KDM1B: variants seen among roughly 807,000 people sequenced by gnomAD.
KDM1B encodes lysine demethylase 1B, also known as lysine-specific histone demethylase 2.
KDM1B carries 63 observed loss-of-function variants against 107.4 expected under a neutral mutation model. The ratio of observed to expected loss-of-function variants is 0.59; its 90% CI spans 0.48 to 0.72. The LOEUF (loss-of-function observed/expected upper bound fraction) is 0.72, where lower values mean the gene tolerates loss of function less well. KDM1B is among the 30% of genes least tolerant of loss of function. KDM1B has a pLI of 0.00. For missense variants in KDM1B, 749 were observed against 1,020.8 expected, an observed-to-expected ratio of 0.73 and a Z score of 3.63; for synonymous variants, 363 against 363.9, an observed-to-expected ratio of 1.00 and a Z score of 0.03.
intron 10 of KDM1B, among the ~76,000 whole-genome samples, chr6:18,196,473 CA>C (rs79808747): frequency 0.073 from 11,136 of 152,162 alleles, 482 homozygotes; most frequent in South Asian, 0.22. Context: ...TTCTCTTCAT[CA>C]TTTGTTACCT....
rs765910313 is a variant in KDM1B at position 18,162,175 on chromosome 6, G to T, written c.216-660G>T. On this transcript the variant is annotated intron_variant, in intron 4 of 21. Coordinates refer to ENST00000650836, the MANE Select transcript of KDM1B (RefSeq NM_001364614.2). This position sits in a 1 kb window ranked among gnomAD's most constrained non-coding sequence, Gnocchi z 4.1. The stretch of plus-strand genomic sequence containing the variant: ...GTCTCTACTAAAAATACACAAATTA[G>T]CTGGGCACGGTGGCAGAAGCCTGTA... 2.0e-5 allele frequency among the ~76,000 whole-genome samples: 3 copies of T among 151,986 alleles called. No individual in the cohort carries two copies. The highest frequency in any genetic ancestry group is 1.9e-4 in the East Asian group (1 of 5,172).
intron 20 of KDM1B, 30 bp downstream of exon 20, chr6:18,215,159 G>C (rs749824387): frequency 6.2e-7 from 1 of 1,600,962 alleles, no homozygotes; most frequent in Non-Finnish European, 8.5e-7. Context: ...CCTTGAAAGG[G>C]GCAAGCCGTG....
At chr6:18,217,678 T>G (rs775157442) in intron 20 of KDM1B, 55 bp from the exon 21 acceptor site, 55 of 1,505,986 alleles carry the variant, frequency 3.7e-5, no homozygotes, top group African/African-American at 6.9e-5. Flanking sequence ...CACTGCGCCC[T>G]GCCATCTACA....
At chr6:18,181,661 T>C (rs12208906) in intron 7 of KDM1B, among the ~76,000 whole-genome samples, 25,981 of 151,966 alleles carry the variant, frequency 0.17, 2,350 homozygotes, top group African/African-American at 0.21. Flanking sequence ...TGGGAGGATC[T>C]CTTGAGCCCA....
In KDM1B at chr6:18,197,595, C is replaced by A. The variant is rs1482657722; in HGVS notation, c.1155C>A (p.Val385=). Reference sequence around the variant, plus strand: ...TTTCTTTTCTTTTTAAGAAATCAGTCATCATTATCGGGGCTGGTCCAGCAG... The same window carrying A: ...TTTCTTTTCTTTTTAAGAAATCAGTAATCATTATCGGGGCTGGTCCAGCAG... ...LLPKDYHNKS[V]IIIGAGPAGL... is the part of the protein sequence containing the mutation. The change falls in exon 12 of 22, where the codon GTC becomes GTA. Residue 385 remains valine (V), a synonymous_variant. Transcript: ENST00000650836. This position sits in a 1 kb window ranked among gnomAD's most constrained non-coding sequence, Gnocchi z 4.5. 1 of 1,613,164 alleles carries A rather than the reference C, an allele frequency of 6.2e-7. No individual in the cohort carries two copies. The highest frequency in any genetic ancestry group is 1.1e-5 in the South Asian group (1 of 91,026).
intron 10 of KDM1B, among the ~76,000 whole-genome samples, chr6:18,192,863 C>A (rs1224497486): frequency 6.6e-6 from 1 of 151,480 alleles, no homozygotes; most frequent in Non-Finnish European, 1.5e-5. Flanking sequence ...CCTAAGCTTA[C>A]CTGGATCTAT....
Position 18,212,478 on chromosome 6 carries a change from T to C in KDM1B, c.1867-10T>C. 1.3e-6 allele frequency: 2 copies of C among 1,523,074 alleles called. No individual in the cohort carries two copies. Among genetic ancestry groups the C allele is most frequent in the Non-Finnish European group, 1.8e-6 (2 of 1,096,952 alleles). The allele number at this position is 1,523,074 out of a possible 1,614,324, so 94.3% of individuals were successfully genotyped here. A position where few individuals can be genotyped will look rare whatever the true frequency, so the allele number is the denominator to read the frequency against. On this transcript the variant is annotated splice_polypyrimidine_tract_variant and intron_variant, in intron 17 of 21. Coordinates refer to ENST00000650836, the MANE Select transcript of KDM1B (RefSeq NM_001364614.2). The surrounding 1 kb of genome is among the most constrained non-coding windows in gnomAD (Gnocchi z 5.2). ...CTGTTTGTTTGTTAACTGTTAATTA[T>C]TTTCCACAGGTATTAGTCACTGTAC...
In KDM1B at chr6:18,217,544, A is replaced by C. The variant is rs1789340886; in HGVS notation, c.2233-189A>C. Among the ~76,000 whole-genome samples the C allele has an allele frequency of 2.0e-5, 3 of 151,738 alleles. No homozygotes were observed. The South Asian group carries it at 6.2e-4, about 32-fold the overall frequency. ...CAGGCGCCTGCCATCATGCCTGGCTAATTTTTCTATTTTTAGTAGAGATGG... is the reference window on the plus strand; with the variant it reads ...CAGGCGCCTGCCATCATGCCTGGCTCATTTTTCTATTTTTAGTAGAGATGG... On this transcript the variant is annotated intron_variant, in intron 20 of 21. Transcript: ENST00000650836.
chr6:18,217,992 T>C, intron 21 of KDM1B, 107 bp downstream of exon 21: 1 of 1,209,614 alleles, frequency 8.3e-7, no homozygotes. Context: ...CTGTCAAAAG[T>C]CTTATGACCA....
In KDM1B at chr6:18,213,646, C is replaced by A. The variant is rs1789018700; in HGVS notation, c.1984-10C>A. 6.2e-7 allele frequency: 1 copy of A among 1,614,006 alleles called. No homozygotes were observed. The highest frequency in any genetic ancestry group is 1.1e-5 in the South Asian group (1 of 91,062). On this transcript the variant is annotated splice_polypyrimidine_tract_variant and intron_variant, in intron 18 of 21. Coordinates refer to ENST00000650836, the MANE Select transcript of KDM1B (RefSeq NM_001364614.2). This position sits in a 1 kb window ranked among gnomAD's most constrained non-coding sequence, Gnocchi z 5.9. ...GACACCTAACCACCTTTCTTCTGCTCACTTTGCAGATTGCCTTGCAATTTC... is the reference window on the plus strand; with the variant it reads ...GACACCTAACCACCTTTCTTCTGCTAACTTTGCAGATTGCCTTGCAATTTC...
Position 18,200,335 on chromosome 6 carries a change from C to G in KDM1B, c.1222-104C>G. 1 of 1,147,268 alleles carries G rather than the reference C, an allele frequency of 8.7e-7. No homozygotes were observed. The highest frequency in any genetic ancestry group is 1.2e-6 in the Non-Finnish European group (1 of 820,992). The allele number at this position is 1,147,268 out of a possible 1,614,324, so 71.1% of individuals were successfully genotyped here. ...TTTTTTAGAAATATTTGGAATTAAC[C>G]AAATATAGAGGCTATTTAACAGTGT... On this transcript the variant is annotated intron_variant, in intron 12 of 21. Coordinates refer to ENST00000650836, the MANE Select transcript of KDM1B (RefSeq NM_001364614.2). The surrounding 1 kb of genome is among the most constrained non-coding windows in gnomAD (Gnocchi z 4.3).
At chr6:18,179,849 CCTTTTTTTTTTTTTTTT>C (rs1434217105) in intron 7 of KDM1B, among the ~76,000 whole-genome samples, 1 of 96,236 alleles carries the variant, frequency 1.0e-5, no homozygotes, top group Non-Finnish European at 1.9e-5. Context: ...GGTTTTTTTT[CCTTTTTTTTTTTTTTTT>C]TTTTTTTTTT....
chr6:18,171,429 C>T lies in KDM1B; in HGVS notation c.484C>T (p.Gln162Ter). The change falls in exon 7 of 22, where the codon CAG becomes TAG. Residue 162 changes from glutamine (Q) to a stop codon, truncating the protein, a stop_gained. Coordinates refer to ENST00000650836, the MANE Select transcript of KDM1B (RefSeq NM_001364614.2). LOFTEE classifies it high-confidence loss of function. ...QLTKEIQLTP[Q>*]IAKTYRCGMK... is the part of the protein sequence containing the mutation. ...TACCAAGGAAATCCAGCTTACTCCA[C>T]AGATAGCCAAGACTTATCGATGCGG... The T allele has an allele frequency of 6.2e-7, 1 of 1,613,614 alleles. No homozygotes were observed. The highest frequency in any genetic ancestry group is 8.5e-7 in the Non-Finnish European group (1 of 1,179,554).
Position 18,213,604 on chromosome 6 carries a change from G to A in KDM1B, c.1984-52G>A. 6.2e-7 allele frequency: 1 copy of A among 1,607,756 alleles called. No homozygotes were observed. The highest frequency in any genetic ancestry group is 8.5e-7 in the Non-Finnish European group (1 of 1,174,766). On this transcript the variant is annotated intron_variant, in intron 18 of 21. Coordinates refer to ENST00000650836, the MANE Select transcript of KDM1B (RefSeq NM_001364614.2). This position sits in a 1 kb window ranked among gnomAD's most constrained non-coding sequence, Gnocchi z 5.9. ...ACAGGTTGCTGCTTAGATATTGCCT[G>A]TGGTTTTGTGACGACAGACACCTAA...
At chr6:18,170,835 T>C (rs968755001) in intron 6 of KDM1B, among the ~76,000 whole-genome samples, 6 of 151,888 alleles carry the variant, frequency 4.0e-5, no homozygotes, top group Admixed American at 2.6e-4. Flanking sequence ...TTTTCCTTTT[T>C]TTTGAGACGG....
intron 21 of KDM1B, among the ~76,000 whole-genome samples, chr6:18,218,087 T>G (rs1789386362): frequency 6.6e-6 from 1 of 151,900 alleles, no homozygotes; most frequent in Non-Finnish European, 1.5e-5. Context: ...GGACTTCACT[T>G]CATATTTTAA....
rs1267422657 is a variant in KDM1B at position 18,172,896 on chromosome 6, C to A, written c.534+1417C>A. On this transcript the variant is annotated intron_variant, in intron 7 of 21. Coordinates refer to ENST00000650836, the MANE Select transcript of KDM1B (RefSeq NM_001364614.2). The surrounding 1 kb of genome is among the most constrained non-coding windows in gnomAD (Gnocchi z 5.2). Reference sequence around the variant, plus strand: ...CCCGAGGTCAGGAGTTCAAGACCAGCCTGGCCAACATGTTGAAACCCTGTC... The same window carrying A: ...CCCGAGGTCAGGAGTTCAAGACCAGACTGGCCAACATGTTGAAACCCTGTC... Among the ~76,000 whole-genome samples the A allele has an allele frequency of 2.0e-5, 3 of 151,960 alleles. No individual in the cohort carries two copies. Among genetic ancestry groups the A allele is most frequent in the African/African-American group, 7.3e-5 (3 of 41,350 alleles).
At chr6:18,166,638 C>G (rs757795654) in intron 6 of KDM1B, among the ~76,000 whole-genome samples, 9 of 151,920 alleles carry the variant, frequency 5.9e-5, no homozygotes, top group Non-Finnish European at 1.0e-4. Flanking sequence ...TTGCGCCCAG[C>G]CTGGGCAAAG....
In KDM1B at chr6:18,178,659, G is replaced by T. The variant is rs555408397; in HGVS notation, c.535-7113G>T. ...ACCTGCCTTGGCCTCCCAAAGTGCTGGGATTATAGGTGTGAGCCACTGCAC... is the reference window on the plus strand; with the variant it reads ...ACCTGCCTTGGCCTCCCAAAGTGCTTGGATTATAGGTGTGAGCCACTGCAC... On this transcript the variant is annotated intron_variant, in intron 7 of 21. Transcript: ENST00000650836. Among the ~76,000 whole-genome samples, 222 of 152,264 alleles carry T rather than the reference G, an allele frequency of 1.5e-3. 2 individuals carry two copies. The highest frequency in any genetic ancestry group is 5.1e-3 in the African/African-American group (214 of 41,570).
Sources: allele counts gnomAD v4.1 joint callset (sites outside exome capture counted in the v4.1 genomes callset), GRCh38; gene constraint gnomAD v4.1.1; non-coding constraint Gnocchi (gnomAD v3.1); transcripts MANE v1.5; gene names NCBI Gene and HGNC (gene_info 2026-07-23, HGNC 2026-07-21).